Variants in SLC24A3 observed in about 807,000 individuals in gnomAD.
SLC24A3 encodes solute carrier family 24 member 3.
SLC24A3 carries 28 observed loss-of-function variants against 75.8 expected under a neutral mutation model. The observed-to-expected ratio is 0.37, with a 90% CI of 0.27 to 0.51. The LOEUF (loss-of-function observed/expected upper bound fraction) is 0.51, where lower values mean the gene tolerates loss of function less well. SLC24A3 is among the 20% of genes least tolerant of loss of function. SLC24A3 has a pLI of 0.94. For synonymous variants in SLC24A3, 372 were observed against 334.1 expected (o/e 1.11, Z -1.24); for missense variants, 663 against 847.8 (o/e 0.78, Z 2.71).
chr20:19,503,272 T>G (rs1988413899), intron 2 of SLC24A3, among the ~76,000 whole-genome samples: 1 of 152,162 alleles, frequency 6.6e-6, no homozygotes, highest in African/African-American at 2.4e-5. Flanking sequence ...AGCTATAGTG[T>G]GCCATCACCA....
intron 1 of SLC24A3, among the ~76,000 whole-genome samples, chr20:19,262,555 T>G (rs1202118216): frequency 6.6e-6 from 1 of 152,024 alleles, no homozygotes; most frequent in Non-Finnish European, 1.5e-5. Flanking sequence ...CCTGAACCAG[T>G]CCCTTTGGTC....
At chr20:19,415,749 C>T (rs762432034) in intron 2 of SLC24A3, among the ~76,000 whole-genome samples, 2 of 152,004 alleles carry the variant, frequency 1.3e-5, no homozygotes, top group Non-Finnish European at 2.9e-5. Context: ...TTTGTTCTGT[C>T]AAGTGAATTA....
chr20:19,633,522 G>A (rs1461774175), intron 6 of SLC24A3, among the ~76,000 whole-genome samples: 2 of 151,286 alleles, frequency 1.3e-5, no homozygotes, highest in Middle Eastern at 3.4e-3. Flanking sequence ...AGTGGCGGGC[G>A]CCTGTAGTCC....
At chr20:19,301,479 A>G (rs73284648) in intron 2 of SLC24A3, among the ~76,000 whole-genome samples, 3,194 of 152,242 alleles carry the variant, frequency 0.021, 45 homozygotes, top group African/African-American at 0.034. Context: ...CTTCTACCAC[A>G]TCCTTGGTTA....
chr20:19,683,732 A>T (rs1202096157), intron 10 of SLC24A3, among the ~76,000 whole-genome samples: 2 of 152,260 alleles, frequency 1.3e-5, no homozygotes. Context: ...GAATCCTTTA[A>T]GGACAAGGAG....
chr20:19,602,134 A>C (rs1056943361), intron 6 of SLC24A3, among the ~76,000 whole-genome samples: 1 of 152,192 alleles, frequency 6.6e-6, no homozygotes, highest in Non-Finnish European at 1.5e-5. Context: ...AGATTGTGCC[A>C]CTGCACTCCA....
chr20:19,384,864 A>C (rs1986245654), intron 2 of SLC24A3, among the ~76,000 whole-genome samples: 1 of 152,144 alleles, frequency 6.6e-6, no homozygotes, highest in African/African-American at 2.4e-5. Context: ...CTTTTTGTGA[A>C]TAATCATCCT....
At chr20:19,330,892 C>T (rs1984983138) in intron 2 of SLC24A3, among the ~76,000 whole-genome samples, 1 of 152,204 alleles carries the variant, frequency 6.6e-6, no homozygotes, top group South Asian at 2.1e-4. Context: ...TGTGATACAC[C>T]TTCCTTTCTG....
intron 8 of SLC24A3, among the ~76,000 whole-genome samples, chr20:19,671,459 G>A (rs534857557): frequency 1.3e-5 from 2 of 152,304 alleles, no homozygotes; most frequent in South Asian, 4.1e-4. Flanking sequence ...AGTGAAAAAT[G>A]ACCTAGGGAG....
intron 3 of SLC24A3, among the ~76,000 whole-genome samples, chr20:19,524,134 A>G (rs1407927590): frequency 6.6e-6 from 1 of 151,984 alleles, no homozygotes; most frequent in Admixed American, 6.6e-5. Flanking sequence ...CCAGTGCCCC[A>G]CTTGGTAACA....
chr20:19,225,758 C>T (rs768574431), intron 1 of SLC24A3, among the ~76,000 whole-genome samples: 1 of 152,168 alleles, frequency 6.6e-6, no homozygotes, highest in Non-Finnish European at 1.5e-5. Context: ...TTGTTTTGCA[C>T]ATCAGTAGTT....
intron 12 of SLC24A3, among the ~76,000 whole-genome samples, chr20:19,686,391 C>T (rs2032675661): frequency 6.6e-6 from 1 of 152,218 alleles, no homozygotes; most frequent in South Asian, 2.1e-4. Context: ...TCACCCCACC[C>T]CACCCATTAT....
chr20:19,322,696 G>A (rs1568588872), intron 2 of SLC24A3, among the ~76,000 whole-genome samples: 1 of 152,078 alleles, frequency 6.6e-6, no homozygotes, highest in African/African-American at 2.4e-5. Context: ...GCTCCCTCAT[G>A]TTCACTCTGC....
intron 1 of SLC24A3, among the ~76,000 whole-genome samples, chr20:19,245,405 G>A (rs1342333934): frequency 6.6e-6 from 1 of 152,142 alleles, no homozygotes; most frequent in African/African-American, 2.4e-5. Context: ...ATTTCAGACT[G>A]TATAAATCAA....
intron 3 of SLC24A3, among the ~76,000 whole-genome samples, chr20:19,518,611 T>C (rs2030041363): frequency 6.6e-6 from 1 of 151,540 alleles, no homozygotes; most frequent in Non-Finnish European, 1.5e-5. Flanking sequence ...AAACCAAAGG[T>C]GTTGGTGTTG....
At chr20:19,421,632 T>G (rs1986919597) in intron 2 of SLC24A3, among the ~76,000 whole-genome samples, 1 of 152,136 alleles carries the variant, frequency 6.6e-6, no homozygotes, top group South Asian at 2.1e-4. Context: ...TGTGGATCCT[T>G]ATCACACGCC....
intron 16 of SLC24A3, among the ~76,000 whole-genome samples, chr20:19,718,324 C>T (rs1011188833): frequency 1.3e-5 from 2 of 152,224 alleles, no homozygotes; most frequent in African/African-American, 2.4e-5. Flanking sequence ...AAAGCTAATA[C>T]TGCCTTATAC....
chr20:19,709,904 G>A (rs1289588095), intron 15 of SLC24A3, among the ~76,000 whole-genome samples: 1 of 152,142 alleles, frequency 6.6e-6, no homozygotes, highest in Non-Finnish European at 1.5e-5. Flanking sequence ...AGAACTAAAT[G>A]CACTATTGTA....
At chr20:19,359,885 C>T (rs1985755420) in intron 2 of SLC24A3, among the ~76,000 whole-genome samples, 1 of 152,134 alleles carries the variant, frequency 6.6e-6, no homozygotes, top group Non-Finnish European at 1.5e-5. Context: ...CTCTGGGAGA[C>T]AGTGTAGAAC....
Sources: allele counts gnomAD v4.1 joint callset (sites outside exome capture counted in the v4.1 genomes callset), GRCh38; gene constraint gnomAD v4.1.1; transcripts MANE v1.5; gene names NCBI Gene and HGNC (gene_info 2026-07-23, HGNC 2026-07-21).